The following TAF4 variants were observed in gnomAD, a reference collection of about 807,000 sequenced individuals.
TAF4 encodes transcription initiation factor TFIID subunit 4.
Under a neutral mutation model 90.3 loss-of-function variants are expected in TAF4, and 9 were observed. The observed-to-expected ratio is 0.10, with a 90% CI of 0.06 to 0.17. The LOEUF (loss-of-function observed/expected upper bound fraction) is 0.17. Ranked by LOEUF, TAF4 falls within the 10% of genes least tolerant of loss-of-function variation. TAF4 has a pLI of 1.00. For synonymous variants in TAF4, 818 were observed against 638.9 expected, an observed-to-expected ratio of 1.28 and a Z score of -4.23; for missense variants, 1,351 against 1,370.7, an observed-to-expected ratio of 0.99 and a Z score of 0.23.
intron 14 of TAF4, among the ~76,000 whole-genome samples, chr20:61,988,740 AC>A (rs1004381928): frequency 2.6e-5 from 4 of 152,132 alleles, no homozygotes; most frequent in Non-Finnish European, 5.9e-5. Context: ...CCCCAAACAG[AC>A]GCCGGCGCCA....
intron 10 of TAF4, 92 bp from the exon 11 acceptor site, chr20:62,000,346 A>C (rs1345946619): frequency 1.3e-6 from 2 of 1,536,394 alleles, no homozygotes; most frequent in African/African-American, 2.7e-5. Context: ...TACTGCTTTT[A>C]TACAACCCAA....
chr20:61,988,342 T>C (rs1438198632), intron 14 of TAF4, among the ~76,000 whole-genome samples: 1 of 152,172 alleles, frequency 6.6e-6, no homozygotes, highest in Non-Finnish European at 1.5e-5. Flanking sequence ...CCCTCCTTTT[T>C]CCGTGAACCT....
intron 1 of TAF4, among the ~76,000 whole-genome samples, chr20:62,034,486 G>A (rs2055921445): frequency 6.6e-6 from 1 of 151,926 alleles, no homozygotes; most frequent in African/African-American, 2.4e-5. Flanking sequence ...ACCACACCTG[G>A]CTAAATTTTT....
At chr20:62,003,402 C>T (rs2055720485) in intron 8 of TAF4, 128 bp from the exon 9 acceptor site, 9 of 763,364 alleles carry the variant, frequency 1.2e-5, no homozygotes, top group Middle Eastern at 3.1e-4. Context: ...TTTCCAAAAA[C>T]TTCATATTAA....
At chr20:61,987,293 A>G (rs1254511252) in intron 14 of TAF4, among the ~76,000 whole-genome samples, 1 of 152,176 alleles carries the variant, frequency 6.6e-6, no homozygotes, top group African/African-American at 2.4e-5. Context: ...GGAAAGACTG[A>G]GCAGCTACCA....
chr20:61,976,071 G>T lies in TAF4; in HGVS notation c.*97C>A. On this transcript the variant is annotated 3_prime_UTR_variant, in exon 15 of 15. Coordinates refer to ENST00000252996, the MANE Select transcript of TAF4 (RefSeq NM_003185.4). Reference sequence around the variant, plus strand: ...AACAGGAATATAAAACTGTTCCATTGTAAAGAGGTGGCTGTTTTTTAAACA... The same window carrying T: ...AACAGGAATATAAAACTGTTCCATTTTAAAGAGGTGGCTGTTTTTTAAACA... 2.3e-6 allele frequency: 3 copies of T among 1,329,092 alleles called. No individual in the cohort carries two copies. Among genetic ancestry groups the T allele is most frequent in the East Asian group, 2.3e-5 (1 of 43,224 alleles). The allele number at this position is 1,329,092 out of a possible 1,614,324, so 82.3% of individuals were successfully genotyped here.
intron 14 of TAF4, among the ~76,000 whole-genome samples, chr20:61,981,665 C>T (rs1318407598): frequency 6.6e-6 from 1 of 152,064 alleles, no homozygotes; most frequent in African/African-American, 2.4e-5. Context: ...GAAAACAGGG[C>T]AAATGAGAGC....
At position 62,000,316 on chromosome 20, in the gene TAF4, C is replaced by G. The variant is rs113580448; in HGVS notation, c.2657-62G>C. 4.4e-6 allele frequency: 7 copies of G among 1,578,572 alleles called. No individual in the cohort carries two copies. The African/African-American group carries it at 5.4e-5, about 12-fold the overall frequency. On this transcript the variant is annotated intron_variant, in intron 10 of 14. Transcript: ENST00000252996. ...ATTAAGCACAGTTCTTTCTTTACGG[C>G]TAATCTCTGATCCAGCAGTTACTGC...
chr20:62,007,418 C>T (rs1853619702), intron 6 of TAF4, 129 bp downstream of exon 6: 2 of 809,718 alleles, frequency 2.5e-6, no homozygotes, highest in African/African-American at 1.8e-5. Flanking sequence ...CCCGGCCCCA[C>T]CCCCGTAGGC....
At chr20:62,054,369 T>C (rs1325426182) in intron 1 of TAF4, among the ~76,000 whole-genome samples, 2 of 152,176 alleles carry the variant, frequency 1.3e-5, no homozygotes, top group Non-Finnish European at 2.9e-5. Context: ...TCTACAGATC[T>C]GTGAATTTGT....
At position 61,995,198 on chromosome 20, in the gene TAF4, G is replaced by C. The variant is rs558467051; in HGVS notation, c.3090+2352C>G. Among the ~76,000 whole-genome samples the C allele has an allele frequency of 3.3e-5, 5 of 152,324 alleles. No homozygotes were observed. The South Asian group carries it at 1.0e-3, about 32-fold the overall frequency. The stretch of plus-strand genomic sequence containing the variant: ...TGCAAGGAGACAAGAAAGTGTGCAA[G>C]GCCGAGGAAAACAGCAGTCGAGAGA... On this transcript the variant is annotated intron_variant, in intron 14 of 14. Coordinates refer to ENST00000252996, the MANE Select transcript of TAF4 (RefSeq NM_003185.4).
rs1314819586 is a variant in TAF4 at position 62,007,534 on chromosome 20, C to G, written c.1974+13G>C. ...GCCCTACTGCTCGCAGGCACCGGGG[C>G]CTTTGAAATTACCTTCAGGAAAGGC... On this transcript the variant is annotated intron_variant, in intron 6 of 14. Transcript: ENST00000252996. 6.2e-7 allele frequency: 1 copy of G among 1,613,534 alleles called. No individual in the cohort carries two copies. Among genetic ancestry groups the G allele is most frequent in the Non-Finnish European group, 8.5e-7 (1 of 1,179,594 alleles).
At chr20:62,031,236 C>T (rs2055902566) in intron 1 of TAF4, among the ~76,000 whole-genome samples, 1 of 152,210 alleles carries the variant, frequency 6.6e-6, no homozygotes, top group Admixed American at 6.5e-5. Context: ...AAGGTCGGAA[C>T]GTGGCCAGGC....
At position 62,008,898 on chromosome 20, in the gene TAF4, C is replaced by T. The variant is rs531575178; in HGVS notation, c.1884+154G>A. On this transcript the variant is annotated intron_variant, in intron 5 of 14. Transcript: ENST00000252996. ...TCCTTAGCTAGGCCACACACGCCTT[C>T]GACACGTGTGCACCCCTCCCCTTCG... 187 of 999,314 alleles carry T rather than the reference C, an allele frequency of 1.9e-4. 1 individual carries two copies. The Middle Eastern group carries it at 5.5e-3, about 29-fold the overall frequency. 61.9% of individuals were successfully genotyped at this position (999,314 alleles called of 1,614,324 possible). A position where few individuals can be genotyped will look rare whatever the true frequency, so the allele number is the denominator to read the frequency against.
At chr20:62,014,217 C>G in intron 2 of TAF4, among the ~76,000 whole-genome samples, 1 of 152,080 alleles carries the variant, frequency 6.6e-6, no homozygotes, top group Non-Finnish European at 1.5e-5. Context: ...AGGGGACAGG[C>G]ACAGGAAGGT....
At chr20:62,051,643 C>T (rs1053126173) in intron 1 of TAF4, among the ~76,000 whole-genome samples, 6 of 152,076 alleles carry the variant, frequency 3.9e-5, no homozygotes, top group Non-Finnish European at 7.4e-5. Flanking sequence ...CCTCCCCATC[C>T]GCTCGGTGAC....
At chr20:61,979,703 C>G (rs568864612) in intron 14 of TAF4, among the ~76,000 whole-genome samples, 1 of 146,912 alleles carries the variant, frequency 6.8e-6, no homozygotes, top group East Asian at 2.1e-4. Context: ...ATGGCCACTC[C>G]AGAGGGACTG....
At chr20:62,009,279 CT>C in intron 4 of TAF4, 105 bp from the exon 5 acceptor site, 2 of 1,145,762 alleles carry the variant, frequency 1.7e-6, no homozygotes, top group Admixed American at 2.9e-5. Flanking sequence ...ACATATATTT[CT>C]TCTCTAAACT....
Position 61,998,989 on chromosome 20 carries a change from T to G in TAF4, c.2907A>C (p.Ala969=). The change falls in exon 12 of 15, where the codon GCA becomes GCC. Residue 969 remains alanine (A), a synonymous_variant. Coordinates refer to ENST00000252996, the MANE Select transcript of TAF4 (RefSeq NM_003185.4). ...GCAGACACCCAGCACTCGCCTTTGC[T>G]GCCCTCATCAGGATCTCCCGCTCCT... The part of the protein sequence containing the change: ...DEQEREILMR[A]AKSRSRQEDP... 6.2e-7 allele frequency: 1 copy of G among 1,613,646 alleles called. No individual in the cohort carries two copies. The highest frequency in any genetic ancestry group is 8.5e-7 in the Non-Finnish European group (1 of 1,180,026).
Sources: allele counts gnomAD v4.1 joint callset (sites outside exome capture counted in the v4.1 genomes callset), GRCh38; gene constraint gnomAD v4.1.1; transcripts MANE v1.5; gene names NCBI Gene and HGNC (gene_info 2026-07-23, HGNC 2026-07-21).